The following ZNF385D variants were observed in gnomAD, a reference collection of about 807,000 sequenced individuals.
The protein encoded by ZNF385D is zinc finger protein 385D, also known as zinc finger protein 659.
ZNF385D carries 15 observed loss-of-function variants against 35.8 expected under a neutral mutation model. That is an observed-to-expected ratio of 0.42 (90% CI 0.28 to 0.64). The LOEUF (loss-of-function observed/expected upper bound fraction) is 0.64. ZNF385D is among the 30% of genes least tolerant of loss of function. The pLI is 0.23. For missense variants in ZNF385D, 474 were observed against 494.6 expected, an observed-to-expected ratio of 0.96 and a Z score of 0.39; for synonymous variants, 212 against 186.8, an observed-to-expected ratio of 1.13 and a Z score of -1.10.
At chr3:22,123,235 CAAG>C (rs909488265) in intron 3 of ZNF385D, among the ~76,000 whole-genome samples, 1 of 151,910 alleles carries the variant, frequency 6.6e-6, no homozygotes, top group African/African-American at 2.4e-5. Context: ...ACTGAATTAC[CAAG>C]AAGGTAGGAG....
At chr3:22,367,247 A>T (rs1368511435) in intron 2 of ZNF385D, among the ~76,000 whole-genome samples, 1 of 152,172 alleles carries the variant, frequency 6.6e-6, no homozygotes, top group African/African-American at 2.4e-5. Flanking sequence ...TACTTTATAG[A>T]TGAGGACACT....
intron 3 of ZNF385D, among the ~76,000 whole-genome samples, chr3:22,140,184 C>T (rs1419986469): frequency 1.3e-5 from 2 of 152,108 alleles, no homozygotes; most frequent in Admixed American, 1.3e-4. Flanking sequence ...AAAAGTCTTT[C>T]AACTAGTGAA....
At chr3:22,328,502 T>C (rs1353878254) in intron 2 of ZNF385D, among the ~76,000 whole-genome samples, 1 of 152,224 alleles carries the variant, frequency 6.6e-6, no homozygotes. Flanking sequence ...TGGTGGCTCA[T>C]GCCTCTAATC....
intron 2 of ZNF385D, among the ~76,000 whole-genome samples, chr3:22,250,801 A>G (rs1321849021): frequency 6.6e-6 from 1 of 152,078 alleles, no homozygotes; most frequent in Non-Finnish European, 1.5e-5. Flanking sequence ...CTGTCAGTGG[A>G]GAGTTTAGAG....
At chr3:22,127,316 G>A (rs1559389406) in intron 3 of ZNF385D, among the ~76,000 whole-genome samples, 3 of 76,050 alleles carry the variant, frequency 3.9e-5, no homozygotes, top group African/African-American at 1.6e-4. Context: ...TTCATTTCCT[G>A]CTTTTTTTTT....
At chr3:22,178,603 A>C (rs1433559191) in intron 2 of ZNF385D, among the ~76,000 whole-genome samples, 1 of 151,948 alleles carries the variant, frequency 6.6e-6, no homozygotes, top group Non-Finnish European at 1.5e-5. Flanking sequence ...CCCATTTGTC[A>C]GTTTTGGCTT....
At chr3:21,850,263 C>T (rs1208693962) in intron 3 of ZNF385D, among the ~76,000 whole-genome samples, 1 of 152,050 alleles carries the variant, frequency 6.6e-6, no homozygotes. Context: ...GTGGATAATT[C>T]TTTAAACAAT....
At chr3:21,423,224 C>T (rs1700826636) in intron 7 of ZNF385D, among the ~76,000 whole-genome samples, 4 of 152,198 alleles carry the variant, frequency 2.6e-5, no homozygotes, top group Non-Finnish European at 4.4e-5. Context: ...ACTGGGGTCT[C>T]ATAATAGATA....
At chr3:21,899,482 G>A (rs1575866725) in intron 3 of ZNF385D, among the ~76,000 whole-genome samples, 1 of 152,042 alleles carries the variant, frequency 6.6e-6, no homozygotes, top group African/African-American at 2.4e-5. Context: ...AATTCAATAT[G>A]TCTGGGATGG....
intron 3 of ZNF385D, among the ~76,000 whole-genome samples, chr3:22,126,906 T>C (rs1703465543): frequency 6.6e-6 from 1 of 152,156 alleles, no homozygotes; most frequent in Non-Finnish European, 1.5e-5. Context: ...ATGAATTCAT[T>C]CCTGTAAAAT....
At chr3:22,320,591 A>G (rs1315432719) in intron 2 of ZNF385D, among the ~76,000 whole-genome samples, 3 of 150,326 alleles carry the variant, frequency 2.0e-5, no homozygotes, top group East Asian at 1.9e-4. Context: ...TAGAAGTAAC[A>G]GGAACTAAAG....
At chr3:22,043,868 G>A (rs1019899753) in intron 3 of ZNF385D, among the ~76,000 whole-genome samples, 2 of 152,086 alleles carry the variant, frequency 1.3e-5, no homozygotes, top group African/African-American at 4.8e-5. Context: ...GATAAGGCTG[G>A]CTTCCCTAAG....
chr3:22,112,608 T>C (rs757381137), intron 3 of ZNF385D, among the ~76,000 whole-genome samples: 2 of 152,270 alleles, frequency 1.3e-5, no homozygotes, highest in Non-Finnish European at 2.9e-5. Flanking sequence ...AATATTTTGA[T>C]ACTTAGCTTT....
intron 2 of ZNF385D, among the ~76,000 whole-genome samples, chr3:22,341,897 T>C (rs1695436073): frequency 6.6e-6 from 1 of 152,240 alleles, no homozygotes; most frequent in African/African-American, 2.4e-5. Flanking sequence ...AAATTTGAGC[T>C]ATTACTGTTA....
At chr3:22,293,034 G>A (rs1421496566) in intron 2 of ZNF385D, among the ~76,000 whole-genome samples, 1 of 152,038 alleles carries the variant, frequency 6.6e-6, no homozygotes, top group African/African-American at 2.4e-5. Flanking sequence ...ACCTCAAGAA[G>A]CTGTAAGTTA....
At chr3:21,897,633 AT>A (rs909432491) in intron 3 of ZNF385D, among the ~76,000 whole-genome samples, 9 of 151,810 alleles carry the variant, frequency 5.9e-5, no homozygotes, top group East Asian at 5.8e-4. Flanking sequence ...CATCAAACAG[AT>A]TTTTTTTTCC....
chr3:22,080,297 G>C (rs1408154568), intron 3 of ZNF385D, among the ~76,000 whole-genome samples: 1 of 152,068 alleles, frequency 6.6e-6, no homozygotes, highest in African/African-American at 2.4e-5. Context: ...AGTCACCCAG[G>C]AGACTTTAAT....
rs544112359 is a variant in ZNF385D at position 22,260,827 on chromosome 3, T to C, written c.107-91792A>G. Among the ~76,000 whole-genome samples the C allele has an allele frequency of 2.6e-5, 4 of 152,174 alleles. No individual in the cohort carries two copies. The East Asian group carries it at 7.8e-4, about 30-fold the overall frequency. ...AACTATTTATCAAACTCAAAAATCA[T>C]AGCCAGATTTTCAATTCTGAAGAAA... On this transcript the variant is annotated intron_variant, in intron 2 of 5. Coordinates refer to the ZNF385D transcript ENST00000494108.
At chr3:21,879,526 C>T (rs541583463) in intron 3 of ZNF385D, among the ~76,000 whole-genome samples, 1 of 151,964 alleles carries the variant, frequency 6.6e-6, no homozygotes, top group Non-Finnish European at 1.5e-5. Context: ...CTGTAAACTT[C>T]CTTCTTCAAA....
Sources: gnomAD v4.1 joint callset for allele counts (sites outside exome capture counted in the v4.1 genomes callset) on GRCh38, gnomAD v4.1.1 for gene constraint, MANE v1.5 for transcripts, NCBI Gene and HGNC (gene_info 2026-07-23, HGNC 2026-07-21) for gene names.